POLI: variants seen among roughly 807,000 people sequenced by gnomAD.
POLI encodes RAD30 homolog B.
A neutral mutation model predicts 51.6 loss-of-function variants in POLI; 58 were observed. That is an observed-to-expected ratio of 1.12 (90% CI 0.91 to 1.40). POLI has a LOEUF of 1.40. Ranked by LOEUF, POLI falls within the 40% of genes most tolerant of loss-of-function variation. POLI has a pLI of 0.00. For missense variants in POLI, 921 were observed against 871.3 expected (o/e 1.06, Z -0.72); for synonymous variants, 322 against 299.7 (o/e 1.07, Z -0.77).
rs1176853377 is a variant in POLI, at chr18:54,280,766, G to A, written c.659G>A (p.Gly220Asp). 1.2e-6 allele frequency: 2 copies of A among 1,613,764 alleles called. No homozygotes were observed. The highest frequency in any genetic ancestry group is 1.7e-6 in the Non-Finnish European group (2 of 1,179,706). The part of the protein sequence containing the change: ...EAMYNQLGLT[G>D]CAGVASNKLL... ...ATGTATAATCAGTTGGGGCTCACTG[G>A]CTGTGCTGGAGTGGCTTCTAATAAA... is the stretch of plus-strand genomic sequence containing the variant. The change falls in exon 5 of 10, where the codon GGC (glycine) becomes GAC (aspartate). Residue 220 changes from glycine (G) to aspartate (D), a missense_variant. Gly to Asp is a moderately conservative substitution (Grantham distance 94). Transcript: ENST00000579534.
intron 3 of POLI, among the ~76,000 whole-genome samples, chr18:54,276,679 T>C (rs1262066729): frequency 6.6e-6 from 1 of 152,254 alleles, no homozygotes; most frequent in Non-Finnish European, 1.5e-5. Flanking sequence ...AAGGAGGTAA[T>C]AGTTTTCTCT....
intron 3 of POLI, 94 bp from the exon 4 acceptor site, chr18:54,277,609 C>A (rs1379691676): frequency 4.1e-6 from 3 of 737,456 alleles, no homozygotes; most frequent in South Asian, 2.3e-5. Context: ...AAACCTTTAA[C>A]AATAAATTTG....
At chr18:54,285,053 T>C (rs2087685734) in intron 7 of POLI, among the ~76,000 whole-genome samples, 1 of 152,232 alleles carries the variant, frequency 6.6e-6, no homozygotes, top group Non-Finnish European at 1.5e-5. Context: ...GTTCTAAGTC[T>C]GAGAAAACTG....
At chr18:54,287,471 T>C in intron 8 of POLI, 60 bp downstream of exon 8, 1 of 1,314,880 alleles carries the variant, frequency 7.6e-7, no homozygotes, top group Non-Finnish European at 1.1e-6. Context: ...AAGCCAACTT[T>C]GAATGAGAAA....
intron 4 of POLI, chr18:54,320,947 T>C (rs1463290784): frequency 2.6e-5 from 4 of 152,210 alleles, no homozygotes; most frequent in Non-Finnish European, 5.9e-5. Flanking sequence ...TACAGTACTG[T>C]ATCACAACTA....
At chr18:54,293,619 G>C (rs660793) in intron 9 of POLI, 30 bp from the exon 10 acceptor site, 378,620 of 1,420,912 alleles carry the variant, frequency 0.27, 52,349 homozygotes, top group Middle Eastern at 0.28. Context: ...TATCAGATAT[G>C]TAAATTAGTC....
chr18:54,270,142 C>T (rs2144415015), intron 1 of POLI: 1 of 516,134 alleles, frequency 1.9e-6, no homozygotes. Context: ...TGGTCTTTAC[C>T]TTGTACCGCC....
intron 7 of POLI, among the ~76,000 whole-genome samples, chr18:54,285,521 A>AGTGT (rs61280100): frequency 0.095 from 13,685 of 144,626 alleles, 1,615 homozygotes; most frequent in African/African-American, 0.28. Flanking sequence ...AAATTACAGG[A>AGTGT]GTGTGTGTGT....
chr18:54,311,924 T>C (rs1276529013), intron 3 of POLI, among the ~76,000 whole-genome samples: 1 of 152,248 alleles, frequency 6.6e-6, no homozygotes, highest in Non-Finnish European at 1.5e-5. Context: ...TTAGATTTAT[T>C]ATTAACATCT....
rs2087061187 is a variant in POLI at position 54,272,732 on chromosome 18, A to G, written c.242-1194A>G. On this transcript the variant is annotated intron_variant, in intron 2 of 9. Transcript: ENST00000579534. ...GGCGATCCACCTGCCTTGGCCTCCCAAAGTGCGGGGACTACAGACGTGAGC... is the reference window on the plus strand; with the variant it reads ...GGCGATCCACCTGCCTTGGCCTCCCGAAGTGCGGGGACTACAGACGTGAGC... Among the ~76,000 whole-genome samples, 13 of 151,576 alleles carry G rather than the reference A, an allele frequency of 8.6e-5. No individual in the cohort carries two copies. In the South Asian group the frequency reaches 2.7e-3, roughly 32 times the overall value.
intron 3 of POLI, among the ~76,000 whole-genome samples, chr18:54,307,011 T>G (rs2088596742): frequency 6.6e-6 from 1 of 152,198 alleles, no homozygotes; most frequent in Non-Finnish European, 1.5e-5. Flanking sequence ...CAAGAAAAGA[T>G]CAACAAAATT....
rs1371990893 is a variant in POLI, at chr18:54,297,876, C to T, written c.*3409C>T. The T allele has an allele frequency of 1.1e-6, 1 of 946,614 alleles. No homozygotes were observed. Among genetic ancestry groups the T allele is most frequent in the African/African-American group, 2.0e-5 (1 of 50,180 alleles). 58.6% of individuals were successfully genotyped at this position (946,614 alleles called of 1,614,324 possible). A position where few individuals can be genotyped will look rare whatever the true frequency, so the allele number is the denominator to read the frequency against. Reference sequence around the variant, plus strand: ...TTGATGGGACATGGTGGGGGCTTACCTTTTTTCTTGTGTGTCAGATGTTCC... The same window carrying T: ...TTGATGGGACATGGTGGGGGCTTACTTTTTTTCTTGTGTGTCAGATGTTCC... On this transcript the variant is annotated 3_prime_UTR_variant, in exon 10 of 10. Transcript: ENST00000579534.
In POLI at chr18:54,296,073, G is replaced by A. The variant is rs747769496; in HGVS notation, c.*1606G>A. The A allele has an allele frequency of 1.0e-4, 100 of 984,860 alleles. No homozygotes were observed. Among genetic ancestry groups the A allele is most frequent in the Non-Finnish European group, 1.2e-4 (98 of 829,550 alleles). The allele number at this position is 984,860 out of a possible 1,614,324, so 61.0% of individuals were successfully genotyped here. ...AAATTGTTCACCATGCAAATATTTA[G>A]TACTCTGAATCAAGGAACATAGTAT... is the stretch of plus-strand genomic sequence containing the variant. On this transcript the variant is annotated 3_prime_UTR_variant, in exon 10 of 10. Transcript: ENST00000579534.
At chr18:54,313,269 C>T (rs2144648942) in intron 3 of POLI, among the ~76,000 whole-genome samples, 2 of 152,190 alleles carry the variant, frequency 1.3e-5, no homozygotes, top group South Asian at 4.1e-4. Flanking sequence ...AGGTATGTGG[C>T]TTTATTTCTG....
chr18:54,304,584 C>T (rs2088548841), intron 3 of POLI, among the ~76,000 whole-genome samples: 1 of 152,106 alleles, frequency 6.6e-6, no homozygotes, highest in Non-Finnish European at 1.5e-5. Flanking sequence ...TGTTCATATC[C>T]TTTGCCCACT....
At chr18:54,301,321 A>G (rs567142845), downstream of POLI, among the ~76,000 whole-genome samples, 5 of 152,158 alleles carry the variant, frequency 3.3e-5, no homozygotes, top group East Asian at 9.7e-4. Context: ...TTTCTCAATA[A>G]TTGCTAAAAT....
At chr18:54,288,496 T>C (rs770829033) in intron 8 of POLI, among the ~76,000 whole-genome samples, 7 of 152,344 alleles carry the variant, frequency 4.6e-5, no homozygotes, top group African/African-American at 1.4e-4. Flanking sequence ...TGAATTACCA[T>C]GACATCTTTG....
chr18:54,303,157 G>A (rs2088521097), downstream of POLI, among the ~76,000 whole-genome samples: 1 of 152,146 alleles, frequency 6.6e-6, no homozygotes, highest in Non-Finnish European at 1.5e-5. Context: ...TCTCATGGTA[G>A]GACACCTACA....
chr18:54,269,758 G>A (rs2086916694), intron 1 of POLI, 97 bp downstream of exon 1: 2 of 1,395,740 alleles, frequency 1.4e-6, no homozygotes, highest in South Asian at 1.6e-5. Context: ...GGGCGCGACC[G>A]TCCCCGCCCC....
Sources: gnomAD v4.1 joint callset for allele counts (sites outside exome capture counted in the v4.1 genomes callset) on GRCh38, gnomAD v4.1.1 for gene constraint, MANE v1.5 for transcripts, NCBI Gene and HGNC (gene_info 2026-07-23, HGNC 2026-07-21) for gene names.